Variants in NCOA3 observed in about 807,000 individuals in gnomAD.
NCOA3 encodes the protein CBP-interacting protein.
In NCOA3, 51 loss-of-function variants were observed where a neutral mutation model predicts 158.8. The observed-to-expected ratio is 0.32, with a 90% CI of 0.26 to 0.41. The LOEUF (loss-of-function observed/expected upper bound fraction) is 0.41. Ranked by LOEUF, NCOA3 falls within the 10% of genes least tolerant of loss-of-function variation. NCOA3 has a pLI of 1.00. For synonymous variants in NCOA3, 537 were observed against 592.4 expected (o/e 0.91, Z 1.36); for missense variants, 1,510 against 1,746.6 (o/e 0.86, Z 2.41).
At chr20:47,603,989 A>G (rs576228109) in intron 2 of NCOA3, among the ~76,000 whole-genome samples, 6 of 152,290 alleles carry the variant, frequency 3.9e-5, no homozygotes, top group African/African-American at 1.4e-4. Context: ...GCCTTCTTCT[A>G]CCCAGTATTT....
At position 47,623,171 on chromosome 20, in the gene NCOA3, A is replaced by C. The variant is rs376559353; in HGVS notation, c.84-740A>C. Reference sequence around the variant, plus strand: ...TATATAACACTACTCTATAGCTTTTAAAGTATTTGCCAAAGTCAGTGTCAA... The same window carrying C: ...TATATAACACTACTCTATAGCTTTTCAAGTATTTGCCAAAGTCAGTGTCAA... On this transcript the variant is annotated intron_variant, in intron 3 of 22. Transcript: ENST00000371998. Among the ~76,000 whole-genome samples the C allele has an allele frequency of 3.3e-5, 5 of 152,354 alleles. 1 individual carries two copies. Among genetic ancestry groups the C allele is most frequent in the African/African-American group, 1.2e-4 (5 of 41,570 alleles).
At chr20:47,632,836 C>T (rs1406776113) in intron 8 of NCOA3, among the ~76,000 whole-genome samples, 1 of 151,530 alleles carries the variant, frequency 6.6e-6, no homozygotes, top group South Asian at 2.1e-4. Context: ...GCGCACACTC[C>T]CATGCCCAGC....
intron 1 of NCOA3, among the ~76,000 whole-genome samples, chr20:47,568,822 A>T (rs1019371332): frequency 6.6e-6 from 1 of 152,132 alleles, no homozygotes; most frequent in African/African-American, 2.4e-5. Context: ...TTGCTAAAAA[A>T]TGCTGATTGA....
chr20:47,635,776 CTAT>C, intron 11 of NCOA3, 63 bp downstream of exon 11: 1 of 1,501,746 alleles, frequency 6.7e-7, no homozygotes, highest in East Asian at 2.3e-5. Context: ...TTCCATACTA[CTAT>C]AATTCTTGTA....
Position 47,647,287 on chromosome 20 carries a change from G to A in NCOA3, c.3467G>A (p.Arg1156Gln), listed in dbSNP as rs146235035. 21 of 1,614,038 alleles carry A rather than the reference G, an allele frequency of 1.3e-5. No individual in the cohort carries two copies. Among genetic ancestry groups the A allele is most frequent in the African/African-American group, 6.7e-5 (5 of 74,896 alleles). The change falls in exon 18 of 23, where the codon CGA (arginine) becomes CAA (glutamine). Residue 1156 changes from arginine to glutamine, a missense_variant. Arg to Gln is a conservative substitution (Grantham distance 43). Around this residue, in one of 4 missense-constraint regions of NCOA3, gnomAD observed 1,017 missense variants for 1,098.3 expected, o/e 0.93. Coordinates refer to ENST00000371998, the MANE Select transcript of NCOA3 (RefSeq NM_181659.3). Reference protein sequence around the residue: ...GNFPLQGMHPRANIMRPRTNT... With the variant: ...GNFPLQGMHPQANIMRPRTNT... ...TTTCCTCTCCAAGGAATGCACCCAC[G>A]AGCCAACATCATGAGACCCCGGACA...
chr20:47,539,973 C>T (rs1283756547), intron 1 of NCOA3, among the ~76,000 whole-genome samples: 31 of 152,196 alleles, frequency 2.0e-4, no homozygotes, highest in Admixed American at 2.0e-3. Context: ...CATAAACTCT[C>T]ATTTAACAAT....
chr20:47,636,713 G>A lies in NCOA3; in HGVS notation c.2327G>A (p.Ser776Asn). The A allele has an allele frequency of 1.2e-6, 2 of 1,613,914 alleles. No individual in the cohort carries two copies. The highest frequency in any genetic ancestry group is 1.1e-5 in the South Asian group (1 of 91,068). Residue 776 changes from serine (S) to asparagine (N), a missense_variant, in exon 12 of 23, where the codon AGC (serine) becomes AAC (asparagine). Transcript: ENST00000371998. ...CAGTGCACCAGCTCCACCATTCCTA[G>A]CTCAAGTCAAGAGAAAGACCCTAAA... ...MSQCTSSTIP[S>N]SSQEKDPKIK...
Position 47,651,219 on chromosome 20 carries a change from G to C in NCOA3, c.3889G>C (p.Ala1297Pro), listed in dbSNP as rs775894067. 1 of 1,613,870 alleles carries C rather than the reference G, an allele frequency of 6.2e-7. No individual in the cohort carries two copies. Among genetic ancestry groups the C allele is most frequent in the South Asian group, 1.1e-5 (1 of 91,066 alleles). ...TASPSMDGLLAGPTMPQAPPQ... is the reference protein window; with the variant it reads ...TASPSMDGLLPGPTMPQAPPQ... ...TTCCCCCAGCATGGATGGGCTTTTG[G>C]CAGGACCCACAATGCCACAAGCTCC... Residue 1297 changes from alanine to proline, a missense_variant, in exon 20 of 23, where the codon GCA (alanine) becomes CCA (proline). This residue lies in a region of NCOA3 where 180 missense variants were observed against 199.3 expected (regional missense o/e 0.90). Transcript: ENST00000371998.
intron 1 of NCOA3, among the ~76,000 whole-genome samples, chr20:47,514,478 C>T (rs113157659): frequency 2.5e-4 from 38 of 152,214 alleles, no homozygotes; most frequent in African/African-American, 8.9e-4. Flanking sequence ...ATCTCCACCT[C>T]CCAGGTTCAA....
chr20:47,652,974 G>T lies in NCOA3; in HGVS notation c.4165G>T (p.Val1389Leu). The T allele has an allele frequency of 1.2e-6, 2 of 1,614,248 alleles. No individual in the cohort carries two copies. Among genetic ancestry groups the T allele is most frequent in the Non-Finnish European group, 1.7e-6 (2 of 1,180,030 alleles). Reference sequence around the variant, plus strand: ...GTTTGCCCACCAGGGGAATCCTGCAGTGTATAGTATGGTGCACATGAATGG... The same window carrying T: ...GTTTGCCCACCAGGGGAATCCTGCATTGTATAGTATGGTGCACATGAATGG... ...QQFAHQGNPA[V>L]YSMVHMNGSS... Residue 1389 changes from valine to leucine, a missense_variant, in exon 22 of 23, where the codon GTG (valine) becomes TTG (leucine). Physicochemically the swap from Val to Leu is conservative, Grantham distance 32. Around this residue, in one of 4 missense-constraint regions of NCOA3, gnomAD observed 180 missense variants for 199.3 expected, o/e 0.90. Transcript: ENST00000371998.
At chr20:47,645,059 G>A (rs1271287922) in intron 17 of NCOA3, among the ~76,000 whole-genome samples, 1 of 152,098 alleles carries the variant, frequency 6.6e-6, no homozygotes, top group Admixed American at 6.6e-5. Context: ...CTGCCATCTG[G>A]TAATCTTTTA....
chr20:47,518,794 G>C (rs1190792794), intron 1 of NCOA3, among the ~76,000 whole-genome samples: 1 of 152,052 alleles, frequency 6.6e-6, no homozygotes, highest in Admixed American at 6.6e-5. Flanking sequence ...TTGAATCCAC[G>C]CTACCAATCA....
At chr20:47,526,931 C>G (rs886778325) in intron 1 of NCOA3, among the ~76,000 whole-genome samples, 4 of 152,174 alleles carry the variant, frequency 2.6e-5, no homozygotes, top group African/African-American at 9.7e-5. Flanking sequence ...GCATGAACCA[C>G]CACATCCAGC....
intron 8 of NCOA3, chr20:47,631,021 G>C (rs1019120816): frequency 1.3e-5 from 2 of 152,208 alleles, no homozygotes; most frequent in Non-Finnish European, 2.9e-5. Flanking sequence ...TAACCATGGA[G>C]CATATTTTGT....
chr20:47,512,394 C>T lies in NCOA3; in HGVS notation c.-99+10375C>T, dbSNP rs2084159471. Among the ~76,000 whole-genome samples, 4 of 151,592 alleles carry T rather than the reference C, an allele frequency of 2.6e-5. No individual in the cohort carries two copies. In the South Asian group the frequency reaches 8.4e-4, roughly 32 times the overall value. On this transcript the variant is annotated intron_variant, in intron 1 of 22. Transcript: ENST00000371998. ...GACCATCCTGGCCAACATGGTGAGA[C>T]ACCGTCTCTACTGAAAATAAAAAAT...
intron 13 of NCOA3, among the ~76,000 whole-genome samples, chr20:47,638,149 G>C (rs2086546921): frequency 6.6e-6 from 1 of 152,102 alleles, no homozygotes. Flanking sequence ...CTGTCCATTG[G>C]TGTTTTAACA....
intron 2 of NCOA3, among the ~76,000 whole-genome samples, chr20:47,597,260 T>C (rs1250632454): frequency 6.6e-6 from 1 of 152,208 alleles, no homozygotes; most frequent in Non-Finnish European, 1.5e-5. Context: ...TTTCTAAAAT[T>C]TCATGTGAAT....
intron 1 of NCOA3, among the ~76,000 whole-genome samples, chr20:47,549,753 T>G (rs1243476741): frequency 1.3e-5 from 2 of 152,030 alleles, no homozygotes; most frequent in African/African-American, 4.8e-5. Context: ...CAGGCTGGAG[T>G]GTAGTGGCAC....
intron 1 of NCOA3, among the ~76,000 whole-genome samples, chr20:47,572,916 G>A (rs972331781): frequency 6.6e-6 from 1 of 152,112 alleles, no homozygotes; most frequent in Non-Finnish European, 1.5e-5. Context: ...CCACTATAGG[G>A]TTATTATTTG....
Sources: gnomAD v4.1 joint callset for allele counts (sites outside exome capture counted in the v4.1 genomes callset) on GRCh38, gnomAD v4.1.1 for gene constraint, gnomAD v4.1.1 regional missense constraint, MANE v1.5 for transcripts, NCBI Gene and HGNC (gene_info 2026-07-23, HGNC 2026-07-21) for gene names.